TNRC6A: variants seen among roughly 807,000 people sequenced by gnomAD.
The protein encoded by TNRC6A is trinucleotide repeat-containing gene 6A protein.
TNRC6A carries 44 observed loss-of-function variants against 221.2 expected under a neutral mutation model. The observed-to-expected ratio is 0.20, with a 90% confidence interval of 0.16 to 0.26. The LOEUF (loss-of-function observed/expected upper bound fraction) is 0.26, where lower values mean the gene tolerates loss of function less well. Ranked by LOEUF, TNRC6A falls within the 10% of genes least tolerant of loss-of-function variation. The probability of loss-of-function intolerance (pLI) is 1.00; values close to 1 mark genes in which losing one functional copy is unlikely to be tolerated. For missense variants in TNRC6A, 2,199 were observed against 2,404.4 expected (o/e 0.91, Z 1.79); for synonymous variants, 847 against 838.5 (o/e 1.01, Z -0.18).
chr16:24,795,787 C>T (rs1407920407), intron 8 of TNRC6A, 120 bp from the exon 9 acceptor site: 2 of 879,476 alleles, frequency 2.3e-6, no homozygotes, highest in Non-Finnish European at 3.4e-6. Context: ...TGGTGACTTG[C>T]CCAAAGTTGC....
chr16:24,634,817 C>G (rs1311456290), intron 1 of TNRC6A, among the ~76,000 whole-genome samples: 1 of 152,220 alleles, frequency 6.6e-6, no homozygotes, highest in Admixed American at 6.5e-5. Context: ...GGTTCAGTGG[C>G]ACCTGGCCTG....
chr16:24,672,779 T>TAA (rs754175374), intron 2 of TNRC6A, among the ~76,000 whole-genome samples: 4,129 of 76,978 alleles, frequency 0.054, 77 homozygotes, highest in Non-Finnish European at 0.064. Flanking sequence ...CTGAAGTATT[T>TAA]AGAGAAGTGT....
At chr16:24,788,344 A>G (rs1475923380) in intron 5 of TNRC6A, among the ~76,000 whole-genome samples, 1 of 152,234 alleles carries the variant, frequency 6.6e-6, no homozygotes, top group Non-Finnish European at 1.5e-5. Context: ...TGAACTGAAA[A>G]TACTGTTACT....
At chr16:24,712,282 G>C (rs1172369968) in intron 2 of TNRC6A, among the ~76,000 whole-genome samples, 1 of 152,168 alleles carries the variant, frequency 6.6e-6, no homozygotes, top group Non-Finnish European at 1.5e-5. Context: ...TGAGATTACA[G>C]GCATGAGCCA....
At chr16:24,754,460 T>A (rs1311279154) in intron 3 of TNRC6A, among the ~76,000 whole-genome samples, 1 of 152,178 alleles carries the variant, frequency 6.6e-6, no homozygotes, top group Non-Finnish European at 1.5e-5. Flanking sequence ...AGATTATGTA[T>A]AACACTCTTT....
intron 2 of TNRC6A, among the ~76,000 whole-genome samples, chr16:24,649,475 A>AT (rs1902508887): frequency 6.6e-6 from 1 of 151,162 alleles, no homozygotes; most frequent in South Asian, 2.1e-4. Flanking sequence ...CACCCAGCTA[A>AT]TTTTTTTATT....
At chr16:24,735,111 G>A (rs1380017795) in intron 2 of TNRC6A, among the ~76,000 whole-genome samples, 2 of 152,162 alleles carry the variant, frequency 1.3e-5, no homozygotes, top group African/African-American at 2.4e-5. Context: ...GTGAGACCCC[G>A]TCTCTACTAA....
At chr16:24,702,175 C>CTTTTTT (rs1206941252) in intron 2 of TNRC6A, among the ~76,000 whole-genome samples, 3 of 22,300 alleles carry the variant, frequency 1.3e-4, no homozygotes, top group Non-Finnish European at 2.4e-4. Context: ...TTTCTTTTTT[C>CTTTTTT]TTTTTTCTTT....
chr16:24,798,223 T>C (rs1359275090), intron 11 of TNRC6A: 4 of 293,228 alleles, frequency 1.4e-5, no homozygotes, highest in Admixed American at 5.1e-5. Context: ...GGGTATAGTC[T>C]TCTTGATTAG....
intron 2 of TNRC6A, chr16:24,661,885 T>C (rs765433337): frequency 6.6e-6 from 1 of 152,168 alleles, no homozygotes; most frequent in Non-Finnish European, 1.5e-5. Flanking sequence ...TTTTAACTGA[T>C]ACAGTCCCCA....
chr16:24,658,435 C>T (rs933050176), intron 2 of TNRC6A, among the ~76,000 whole-genome samples: 2 of 152,184 alleles, frequency 1.3e-5, no homozygotes, highest in African/African-American at 2.4e-5. Context: ...GGTCTTGGCT[C>T]ACTGCAACCT....
intron 2 of TNRC6A, among the ~76,000 whole-genome samples, chr16:24,749,875 C>T (rs553849635): frequency 6.6e-6 from 1 of 152,228 alleles, no homozygotes. Flanking sequence ...CGTGGTGGCT[C>T]ACACCTGTAA....
chr16:24,615,864 AC>A (rs1596536886), intron 1 of TNRC6A, among the ~76,000 whole-genome samples: 1 of 17,476 alleles, frequency 5.7e-5, no homozygotes, highest in Admixed American at 7.2e-4. Flanking sequence ...CCACCCACCC[AC>A]CCCCCAACAC....
chr16:24,664,769 T>TCTCA (rs1555486883), intron 2 of TNRC6A: 4 of 301,652 alleles, frequency 1.3e-5, no homozygotes, highest in African/African-American at 7.4e-5. Context: ...AATCCCCAAA[T>TCTCA]CACACACACA....
chr16:24,674,147 T>A (rs1440222871), intron 2 of TNRC6A, among the ~76,000 whole-genome samples: 1 of 152,028 alleles, frequency 6.6e-6, no homozygotes, highest in East Asian at 1.9e-4. Context: ...CATAGCTCAC[T>A]GTAGCCTTGA....
intron 2 of TNRC6A, among the ~76,000 whole-genome samples, chr16:24,657,318 A>C (rs1360382552): frequency 7.4e-5 from 3 of 40,656 alleles, no homozygotes; most frequent in Non-Finnish European, 1.1e-4. Flanking sequence ...ACCCTATCTC[A>C]AAAAAAAAAA....
At chr16:24,729,399 G>T (rs560947348), upstream of TNRC6A, among the ~76,000 whole-genome samples, 1 of 147,306 alleles carries the variant, frequency 6.8e-6, no homozygotes, top group Non-Finnish European at 1.5e-5. Context: ...GGAGGGGAGG[G>T]ACTCCCCTCC....
At chr16:24,717,770 C>CTTTTTTTT (rs71383705) in intron 2 of TNRC6A, among the ~76,000 whole-genome samples, 1 of 107,366 alleles carries the variant, frequency 9.3e-6, no homozygotes. Context: ...TTTTTTTTTT[C>CTTTTTTTT]TTTTTTTTTT....
At chr16:24,620,326 G>A (rs753119185) in intron 1 of TNRC6A, among the ~76,000 whole-genome samples, 15 of 152,150 alleles carry the variant, frequency 9.9e-5, no homozygotes, top group East Asian at 5.8e-4. Flanking sequence ...AAGAGTATCC[G>A]TTTGCAATGC....
Sources: gnomAD v4.1 joint callset for allele counts (sites outside exome capture counted in the v4.1 genomes callset) on GRCh38, gnomAD v4.1.1 for gene constraint, MANE v1.5 for transcripts, NCBI Gene and HGNC (gene_info 2026-07-23, HGNC 2026-07-21) for gene names.